The following PTPRM variants were observed in gnomAD, a reference collection of about 807,000 sequenced individuals.
PTPRM encodes protein tyrosine phosphatase receptor type M, also known as receptor-type tyrosine-protein phosphatase mu.
A neutral mutation model predicts 186.7 loss-of-function variants in PTPRM; 47 were observed. The ratio of observed to expected loss-of-function variants is 0.25; its 90% CI spans 0.20 to 0.32. PTPRM has a LOEUF of 0.32. Ranked by LOEUF, PTPRM falls within the 10% of genes least tolerant of loss-of-function variation. The pLI is 1.00. For missense variants in PTPRM, 1,494 were observed against 1,865.0 expected (o/e 0.80, Z 3.66); for synonymous variants, 668 against 674.9 (o/e 0.99, Z 0.16).
At chr18:7,889,357 G>C (rs1188048180) in intron 3 of PTPRM, among the ~76,000 whole-genome samples, 1 of 66,812 alleles carries the variant, frequency 1.5e-5, no homozygotes, top group Non-Finnish European at 2.6e-5. Context: ...TTTTTTTTGA[G>C]ACTGGGACTC....
At chr18:8,367,357 A>G (rs924847426) in intron 23 of PTPRM, among the ~76,000 whole-genome samples, 4 of 152,246 alleles carry the variant, frequency 2.6e-5, no homozygotes, top group Non-Finnish European at 5.9e-5. Flanking sequence ...CCCAGCACGC[A>G]TTCTAGAAGG....
At chr18:7,964,175 T>C (rs1014724708) in intron 7 of PTPRM, among the ~76,000 whole-genome samples, 1 of 152,252 alleles carries the variant, frequency 6.6e-6, no homozygotes, top group Non-Finnish European at 1.5e-5. Flanking sequence ...TGGGGTCCTA[T>C]GCATAATCTG....
intron 14 of PTPRM, among the ~76,000 whole-genome samples, chr18:8,210,001 A>T (rs1433888913): frequency 6.7e-5 from 6 of 88,928 alleles, no homozygotes; most frequent in Non-Finnish European, 1.2e-4. Flanking sequence ...AAAAAAAAAA[A>T]AAAAAAAAAA....
intron 22 of PTPRM, among the ~76,000 whole-genome samples, chr18:8,330,368 T>C (rs2095405515): frequency 1.3e-5 from 2 of 152,204 alleles, no homozygotes; most frequent in South Asian, 4.1e-4. Flanking sequence ...TTCACTGCCA[T>C]GGAAAATTTG....
chr18:8,127,767 C>T (rs1416042603), intron 13 of PTPRM, among the ~76,000 whole-genome samples: 2 of 151,810 alleles, frequency 1.3e-5, no homozygotes, highest in Admixed American at 1.3e-4. Context: ...CATTCATTCA[C>T]TCATTCATTG....
intron 2 of PTPRM, 92 bp from the exon 3 acceptor site, chr18:7,888,014 C>A: frequency 1.4e-6 from 2 of 1,467,376 alleles, no homozygotes; most frequent in Non-Finnish European, 9.5e-7. Context: ...CATGGAATTG[C>A]AGTGCCAACC....
chr18:7,927,492 T>C (rs2051243572), intron 5 of PTPRM, among the ~76,000 whole-genome samples: 1 of 151,724 alleles, frequency 6.6e-6, no homozygotes, highest in South Asian at 2.1e-4. Context: ...TTTTTTAAAG[T>C]ATTATCTATT....
At chr18:8,333,104 T>C (rs1336396350) in intron 22 of PTPRM, among the ~76,000 whole-genome samples, 7 of 152,252 alleles carry the variant, frequency 4.6e-5, no homozygotes, top group Non-Finnish European at 1.0e-4. Flanking sequence ...ATTCATTAGT[T>C]GATTTCCATT....
At chr18:7,660,728 C>T (rs1160128441) in intron 1 of PTPRM, among the ~76,000 whole-genome samples, 3 of 152,118 alleles carry the variant, frequency 2.0e-5, no homozygotes, top group East Asian at 3.9e-4. Context: ...GCTGGTTTAG[C>T]GTGGCCTTGG....
intron 23 of PTPRM, among the ~76,000 whole-genome samples, chr18:8,358,371 G>A (rs2095576442): frequency 6.6e-6 from 1 of 152,142 alleles, no homozygotes; most frequent in Non-Finnish European, 1.5e-5. Context: ...TTTGTTCTGA[G>A]TGCAGACCAT....
intron 4 of PTPRM, among the ~76,000 whole-genome samples, chr18:7,922,348 G>A (rs542250052): frequency 1.1e-4 from 16 of 152,186 alleles, no homozygotes; most frequent in East Asian, 1.9e-4. Flanking sequence ...CTGCTGCCCC[G>A]TACCTTTTTC....
At chr18:7,946,540 A>G (rs1439996030) in intron 5 of PTPRM, among the ~76,000 whole-genome samples, 1 of 152,100 alleles carries the variant, frequency 6.6e-6, no homozygotes, top group East Asian at 1.9e-4. Flanking sequence ...GAATTTGCTT[A>G]TTTCCTGGGG....
intron 23 of PTPRM, among the ~76,000 whole-genome samples, chr18:8,346,614 G>T (rs1296137408): frequency 6.6e-6 from 1 of 152,172 alleles, no homozygotes; most frequent in Non-Finnish European, 1.5e-5. Flanking sequence ...GCTTAATGGG[G>T]TTCTCGTAAA....
chr18:8,124,885 C>T (rs1000157335), intron 13 of PTPRM, among the ~76,000 whole-genome samples: 1 of 152,108 alleles, frequency 6.6e-6, no homozygotes, highest in Non-Finnish European at 1.5e-5. Context: ...CATCTTGCCC[C>T]TAAAAATCCT....
intron 14 of PTPRM, among the ~76,000 whole-genome samples, chr18:8,144,188 G>A (rs2092827621): frequency 6.6e-6 from 1 of 152,080 alleles, no homozygotes; most frequent in Admixed American, 6.6e-5. Context: ...CAGATTTTAT[G>A]GGGCCTGTGT....
At chr18:7,639,561 A>AT (rs1298798777) in intron 1 of PTPRM, among the ~76,000 whole-genome samples, 1 of 150,338 alleles carries the variant, frequency 6.7e-6, no homozygotes, top group African/African-American at 2.5e-5. Flanking sequence ...TGATTTTTGT[A>AT]TTTTTAGTAG....
intron 13 of PTPRM, among the ~76,000 whole-genome samples, chr18:8,135,283 C>T (rs867701225): frequency 1.3e-5 from 2 of 152,056 alleles, no homozygotes; most frequent in African/African-American, 4.8e-5. Context: ...AATTGGATCG[C>T]TGAGAAAGTA....
intron 20 of PTPRM, among the ~76,000 whole-genome samples, chr18:8,303,343 G>A (rs1031852703): frequency 2.0e-5 from 3 of 152,130 alleles, no homozygotes; most frequent in African/African-American, 7.2e-5. Flanking sequence ...TCAGTGACTG[G>A]AGCTTTGGAC....
Position 8,198,417 on chromosome 18 carries a change from G to T in PTPRM, c.2301-45641G>T, listed in dbSNP as rs999991178. 3.9e-5 allele frequency among the ~76,000 whole-genome samples: 6 copies of T among 152,182 alleles called. No individual in the cohort carries two copies. In the East Asian group the frequency reaches 1.2e-3, roughly 29 times the overall value. Reference sequence around the variant, plus strand: ...GCCTACCTTGGCCTGCCAAAGTGCTGTGATTACAGGCATGAACCATCACAC... The same window carrying T: ...GCCTACCTTGGCCTGCCAAAGTGCTTTGATTACAGGCATGAACCATCACAC... On this transcript the variant is annotated intron_variant, in intron 14 of 32. Coordinates refer to ENST00000580170, the MANE Select transcript of PTPRM (RefSeq NM_001105244.2).
Sources: allele counts gnomAD v4.1 joint callset (sites outside exome capture counted in the v4.1 genomes callset), GRCh38; gene constraint gnomAD v4.1.1; transcripts MANE v1.5; gene names NCBI Gene and HGNC (gene_info 2026-07-23, HGNC 2026-07-21).